The following LHX2 variants were observed in gnomAD, a reference collection of about 807,000 sequenced individuals.
LHX2 encodes LIM/homeobox protein Lhx2.
Under a neutral mutation model 33.0 loss-of-function variants are expected in LHX2, and 6 were observed. The observed-to-expected ratio is 0.18, with a 90% confidence interval of 0.10 to 0.36. The LOEUF (loss-of-function observed/expected upper bound fraction) is 0.36. Among genes scored for constraint, LHX2 ranks in the 10% least tolerant of loss-of-function variants. The pLI is 1.00. For missense variants in LHX2, 442 were observed against 586.2 expected (o/e 0.75, Z 2.54); for synonymous variants, 292 against 253.1 (o/e 1.15, Z -1.46).
intron 4 of LHX2, among the ~76,000 whole-genome samples, chr9:124,023,193 A>G (rs1297986518): frequency 6.6e-6 from 1 of 151,944 alleles, no homozygotes; most frequent in Admixed American, 6.6e-5. Flanking sequence ...TCCTTCCCCA[A>G]CCCAGTTGCT....
At chr9:124,013,407 G>A (rs1249559323) in intron 1 of LHX2, among the ~76,000 whole-genome samples, 1 of 152,228 alleles carries the variant, frequency 6.6e-6, no homozygotes, top group Non-Finnish European at 1.5e-5. Context: ...ACCCAAGAGG[G>A]CCCCAGCCCG....
rs995518533 is a variant in LHX2, at chr9:124,015,607, C to G, written c.727+82C>G. 7.2e-6 allele frequency: 10 copies of G among 1,387,154 alleles called. No individual in the cohort carries two copies. Among genetic ancestry groups the G allele is most frequent in the Admixed American group, 2.9e-5 (1 of 34,398 alleles). The allele number at this position is 1,387,154 out of a possible 1,614,324, so 85.9% of individuals were successfully genotyped here. A position where few individuals can be genotyped will look rare whatever the true frequency, so the allele number is the denominator to read the frequency against. ...GACGGCCGGGAGCTGGATTGAATCTCTGTGTGCTGGGCAAATAGCGAGCCT... is the reference window on the plus strand; with the variant it reads ...GACGGCCGGGAGCTGGATTGAATCTGTGTGTGCTGGGCAAATAGCGAGCCT... On this transcript the variant is annotated intron_variant, in intron 3 of 4. Coordinates refer to ENST00000373615, the MANE Select transcript of LHX2 (RefSeq NM_004789.4). This position sits in a 1 kb window ranked among gnomAD's most constrained non-coding sequence, Gnocchi z 7.9.
At position 124,012,553 on chromosome 9, in the gene LHX2, C is replaced by CAGAG; in HGVS notation, c.120+85_120+86insAGAG. ...CCTCTGCTCCCCGAAGTTTGGGGAG[C>CAGAG]GTCCTTCGTGCCGCACGGGACTGGG... On this transcript the variant is annotated intron_variant, in intron 1 of 4. Transcript: ENST00000373615. The surrounding 1 kb of genome is among the most constrained non-coding windows in gnomAD (Gnocchi z 4.3). The CAGAG allele has an allele frequency of 1.5e-6, 2 of 1,373,886 alleles. No individual in the cohort carries two copies. The highest frequency in any genetic ancestry group is 1.9e-6 in the Non-Finnish European group (2 of 1,056,416). 85.1% of individuals were successfully genotyped at this position (1,373,886 alleles called of 1,614,324 possible). A position where few individuals can be genotyped will look rare whatever the true frequency, so the allele number is the denominator to read the frequency against.
At chr9:124,025,747 G>A (rs1828610328) in intron 4 of LHX2, among the ~76,000 whole-genome samples, 1 of 152,170 alleles carries the variant, frequency 6.6e-6, no homozygotes, top group Admixed American at 6.5e-5. Flanking sequence ...ACTTTGGGAG[G>A]CTGAAGTGGG....
At chr9:124,013,553 TG>T (rs916926664) in intron 1 of LHX2, among the ~76,000 whole-genome samples, 2 of 152,348 alleles carry the variant, frequency 1.3e-5, no homozygotes, top group East Asian at 3.9e-4. Context: ...GGTGACTTAA[TG>T]GTCACCTTAT....
At chr9:124,021,342 C>G in intron 4 of LHX2, 38 bp downstream of exon 4, 1 of 1,595,822 alleles carries the variant, frequency 6.3e-7, no homozygotes, top group Non-Finnish European at 8.6e-7. Context: ...CTGCGACCAC[C>G]AGGGACTGGG....
rs1246772779 is a variant in LHX2, at chr9:124,015,052, C to T, written c.324-70C>T. On this transcript the variant is annotated intron_variant, in intron 2 of 4. Coordinates refer to ENST00000373615, the MANE Select transcript of LHX2 (RefSeq NM_004789.4). The surrounding 1 kb of genome is among the most constrained non-coding windows in gnomAD (Gnocchi z 7.9). Reference sequence around the variant, plus strand: ...GGATTGCCCCCCGCAGCAGCAGCGGCACCTGGAGGAGGAAAAGGGGGGTAC... The same window carrying T: ...GGATTGCCCCCCGCAGCAGCAGCGGTACCTGGAGGAGGAAAAGGGGGGTAC... 3.2e-6 allele frequency: 5 copies of T among 1,561,668 alleles called. No individual in the cohort carries two copies. Among genetic ancestry groups the T allele is most frequent in the African/African-American group, 1.4e-5 (1 of 74,010 alleles).
intron 4 of LHX2, among the ~76,000 whole-genome samples, chr9:124,022,336 C>T (rs1045704272): frequency 2.6e-5 from 4 of 152,224 alleles, no homozygotes; most frequent in Non-Finnish European, 5.9e-5. Flanking sequence ...CCAATAACAG[C>T]ATTAACTAGA....
At position 124,012,248 on chromosome 9, in the gene LHX2, A is replaced by G; in HGVS notation, c.-101A>G. The G allele has an allele frequency of 8.5e-7, 1 of 1,170,426 alleles. No homozygotes were observed. The highest frequency in any genetic ancestry group is 1.1e-6 in the Non-Finnish European group (1 of 927,794). 72.5% of individuals were successfully genotyped at this position (1,170,426 alleles called of 1,614,324 possible). ...GGGCGGGGCCGGGGCCGCGGTGGCG[A>G]TGCACCGGGCCCGTTAGCGCCAGGA... On this transcript the variant is annotated 5_prime_UTR_variant, in exon 1 of 5. It removes an upstream start codon present in the reference 5' UTR. Coordinates refer to ENST00000373615, the MANE Select transcript of LHX2 (RefSeq NM_004789.4). The surrounding 1 kb of genome is among the most constrained non-coding windows in gnomAD (Gnocchi z 4.3).
chr9:124,024,868 A>G (rs763135882), intron 4 of LHX2, among the ~76,000 whole-genome samples: 3 of 152,236 alleles, frequency 2.0e-5, no homozygotes, highest in Admixed American at 6.5e-5. Flanking sequence ...GATTGGTCTG[A>G]AATTTCCAAA....
chr9:124,027,495 G>A (rs1415550880), intron 4 of LHX2, among the ~76,000 whole-genome samples: 1 of 152,214 alleles, frequency 6.6e-6, no homozygotes, highest in Non-Finnish European at 1.5e-5. Context: ...ATGAGTTAAT[G>A]TGTAAAGTGC....
In LHX2 at chr9:124,032,381, GCCTTCC is replaced by G; in HGVS notation, c.934-38_934-33del. Reference sequence around the variant, plus strand: ...AAGCAGTCGGGGGGATGCTCTGCCTGCCTTCCGCTCACCAGCCCTTCCCTGTCGTCC... The same window carrying G: ...AAGCAGTCGGGGGGATGCTCTGCCTGGCTCACCAGCCCTTCCCTGTCGTCC... On this transcript the variant is annotated intron_variant, in intron 4 of 4. Transcript: ENST00000373615. This position sits in a 1 kb window ranked among gnomAD's most constrained non-coding sequence, Gnocchi z 4.1. 6.5e-7 allele frequency: 1 copy of G among 1,540,414 alleles called. No individual in the cohort carries two copies. The highest frequency in any genetic ancestry group is 1.8e-5 in the Admixed American group (1 of 56,814).
chr9:124,016,735 C>T lies in LHX2; in HGVS notation c.727+1210C>T, dbSNP rs993560654. On this transcript the variant is annotated intron_variant, in intron 3 of 4. Transcript: ENST00000373615. The surrounding 1 kb of genome is among the most constrained non-coding windows in gnomAD (Gnocchi z 4.4). ...GCGGAACTGGGAGGAAAACGCAGCC[C>T]CCAGTTTGGTAAATGGTGAAGCAGC... Among the ~76,000 whole-genome samples, 6 of 152,100 alleles carry T rather than the reference C, an allele frequency of 3.9e-5. No individual in the cohort carries two copies. The highest frequency in any genetic ancestry group is 1.4e-4 in the African/African-American group (6 of 41,416).
Position 124,012,214 on chromosome 9 carries a change from G to A in LHX2, c.-135G>A. ...GCCCGGAGCCCGGCCTGGGGGCTCA[G>A]CCGAGCTCGGGCGGGGCCGGGGCCG... On this transcript the variant is annotated 5_prime_UTR_variant, in exon 1 of 5. Transcript: ENST00000373615. This position sits in a 1 kb window ranked among gnomAD's most constrained non-coding sequence, Gnocchi z 4.3. The A allele has an allele frequency of 3.3e-6, 3 of 920,558 alleles. No individual in the cohort carries two copies. The highest frequency in any genetic ancestry group is 4.1e-6 in the Non-Finnish European group (3 of 723,538). The allele number at this position is 920,558 out of a possible 1,614,324, so 57.0% of individuals were successfully genotyped here.
intron 4 of LHX2, among the ~76,000 whole-genome samples, chr9:124,027,875 T>C (rs2118778725): frequency 6.6e-6 from 1 of 151,880 alleles, no homozygotes; most frequent in East Asian, 1.9e-4. Flanking sequence ...TTATTTGCTT[T>C]ATGAAGGTAC....
At chr9:124,029,891 C>T (rs1035200910) in intron 4 of LHX2, among the ~76,000 whole-genome samples, 2 of 152,188 alleles carry the variant, frequency 1.3e-5, no homozygotes, top group African/African-American at 4.8e-5. Context: ...CCTCTGGGGG[C>T]TTCCCCATCC....
At chr9:124,029,018 G>A (rs1828671994) in intron 4 of LHX2, among the ~76,000 whole-genome samples, 2 of 152,226 alleles carry the variant, frequency 1.3e-5, no homozygotes, top group Admixed American at 6.5e-5. Flanking sequence ...ATTGAGGCAG[G>A]AGAGAATCAC....
In LHX2 at chr9:124,032,306, T is replaced by G. The variant is rs1828712044; in HGVS notation, c.934-114T>G. 2 of 1,304,508 alleles carry G rather than the reference T, an allele frequency of 1.5e-6. No homozygotes were observed. Among genetic ancestry groups the G allele is most frequent in the Non-Finnish European group, 2.1e-6 (2 of 974,600 alleles). The allele number at this position is 1,304,508 out of a possible 1,614,324, so 80.8% of individuals were successfully genotyped here. On this transcript the variant is annotated intron_variant, in intron 4 of 4. Transcript: ENST00000373615. This position sits in a 1 kb window ranked among gnomAD's most constrained non-coding sequence, Gnocchi z 4.1. The stretch of plus-strand genomic sequence containing the variant: ...ATTGCCAACCTGACTTTTTGGATCC[T>G]CTTGGCAAAACACAGATCAGCGTCC...
At chr9:124,020,852 AT>A in intron 3 of LHX2, among the ~76,000 whole-genome samples, 1 of 152,142 alleles carries the variant, frequency 6.6e-6, no homozygotes, top group South Asian at 2.1e-4. Flanking sequence ...GCTCAGAATG[AT>A]TTTTGGATTC....
Sources: gnomAD v4.1 joint callset for allele counts (sites outside exome capture counted in the v4.1 genomes callset) on GRCh38, gnomAD v4.1.1 for gene constraint, Gnocchi (gnomAD v3.1) non-coding constraint, MANE v1.5 for transcripts, NCBI Gene and HGNC (gene_info 2026-07-23, HGNC 2026-07-21) for gene names.